The following STK32B variants were observed in gnomAD, a reference collection of about 807,000 sequenced individuals.
The protein encoded by STK32B is serine/threonine-protein kinase 32B.
STK32B carries 43 observed loss-of-function variants against 52.6 expected under a neutral mutation model. That is an observed-to-expected ratio of 0.82 (90% CI 0.64 to 1.05). The LOEUF (loss-of-function observed/expected upper bound fraction) is 1.05, where lower values mean the gene tolerates loss of function less well. Among genes scored for constraint, STK32B ranks in the 50% least tolerant of loss-of-function variants. STK32B has a pLI of 0.00. For synonymous variants in STK32B, 238 were observed against 204.3 expected, an observed-to-expected ratio of 1.17 and a Z score of -1.41; for missense variants, 621 against 534.6, an observed-to-expected ratio of 1.16 and a Z score of -1.59.
intron 8 of STK32B, among the ~76,000 whole-genome samples, chr4:5,458,149 C>G (rs982514726): frequency 1.3e-5 from 2 of 152,152 alleles, no homozygotes; most frequent in African/African-American, 4.8e-5. Flanking sequence ...CTGGGGTGGG[C>G]CCCACTGTCT....
At position 5,162,380 on chromosome 4, in the gene STK32B, C is replaced by T. The variant is rs112248878; in HGVS notation, c.109-5919C>T. ...TAGAGCTTTGGGTGTGCTGCAGAAT[C>T]GACATTGTCAGCGCCCGGAATATAC... is the stretch of plus-strand genomic sequence containing the variant. On this transcript the variant is annotated intron_variant, in intron 2 of 11. Coordinates refer to ENST00000282908, the MANE Select transcript of STK32B (RefSeq NM_018401.3). 9.7e-3 allele frequency among the ~76,000 whole-genome samples: 1,474 copies of T among 152,236 alleles called. 19 individuals carry two copies. The highest frequency in any genetic ancestry group is 0.031 in the Middle Eastern group (9 of 294).
Position 5,499,038 on chromosome 4 carries a change from C to G in STK32B, c.1200C>G (p.Asn400Lys). The change falls in exon 12 of 12, where the codon AAC becomes AAG. Residue 400 changes from asparagine to lysine, a missense_variant. Transcript: ENST00000282908. Reference protein sequence around the residue: ...QAQSKLQDGCNNNLLTHTCTR... With the variant: ...QAQSKLQDGCKNNLLTHTCTR... Reference sequence around the variant, plus strand: ...AAAGCAAGCTCCAGGACGGGTGCAACAACAACCTCCTCACCCACACCTGCA... The same window carrying G: ...AAAGCAAGCTCCAGGACGGGTGCAAGAACAACCTCCTCACCCACACCTGCA... 1 of 1,613,828 alleles carries G rather than the reference C, an allele frequency of 6.2e-7. No homozygotes were observed. Among genetic ancestry groups the G allele is most frequent in the Non-Finnish European group, 8.5e-7 (1 of 1,179,816 alleles).
intron 3 of STK32B, among the ~76,000 whole-genome samples, chr4:5,304,632 C>A (rs541412050): frequency 6.4e-4 from 97 of 152,128 alleles, no homozygotes; most frequent in Non-Finnish European, 9.6e-4. Context: ...CAGCAAACAG[C>A]AACAGTTTGA....
chr4:5,288,045 A>C (rs1264706021), intron 3 of STK32B, among the ~76,000 whole-genome samples: 1 of 152,156 alleles, frequency 6.6e-6, no homozygotes, highest in African/African-American at 2.4e-5. Flanking sequence ...CATTCATCAT[A>C]ATGTTTTCAA....
intron 3 of STK32B, among the ~76,000 whole-genome samples, chr4:5,185,216 C>G (rs1157060830): frequency 6.6e-6 from 1 of 152,194 alleles, no homozygotes; most frequent in Non-Finnish European, 1.5e-5. Flanking sequence ...CACTGTTAAT[C>G]TGTTTTGTTT....
rs149058986 is a variant in STK32B at position 5,083,539 on chromosome 4, G to T, written c.52+31624G>T. ...GACTTCATATAGCCCCTTACACAGA[G>T]ACTGGCAAATAGTACATGCTCAATA... is the stretch of plus-strand genomic sequence containing the variant. On this transcript the variant is annotated intron_variant, in intron 1 of 11. Coordinates refer to ENST00000282908, the MANE Select transcript of STK32B (RefSeq NM_018401.3). Among the ~76,000 whole-genome samples the T allele has an allele frequency of 2.4e-3, 361 of 152,276 alleles. 1 individual carries two copies. Among genetic ancestry groups the T allele is most frequent in the African/African-American group, 8.3e-3 (344 of 41,556 alleles).
chr4:5,179,179 G>A (rs1180136200), intron 3 of STK32B, among the ~76,000 whole-genome samples: 1 of 152,232 alleles, frequency 6.6e-6, no homozygotes, highest in African/African-American at 2.4e-5. Context: ...GCAGGATTGA[G>A]TGAGTGCCAG....
At chr4:5,339,304 A>G (rs76499324) in intron 4 of STK32B, among the ~76,000 whole-genome samples, 254 of 152,276 alleles carry the variant, frequency 1.7e-3, no homozygotes, top group Middle Eastern at 0.01. Context: ...ATGTATATCT[A>G]TATTCTATTT....
chr4:5,498,834 GA>G, intron 11 of STK32B, 110 bp from the exon 12 acceptor site: 1 of 1,406,812 alleles, frequency 7.1e-7, no homozygotes, highest in South Asian at 1.7e-5. Context: ...CCAGGTAGGG[GA>G]AGGTTTGAGC....
intron 2 of STK32B, among the ~76,000 whole-genome samples, chr4:5,147,742 C>T (rs978675899): frequency 3.3e-5 from 5 of 151,966 alleles, no homozygotes; most frequent in Admixed American, 1.3e-4. Context: ...TTTAAACCAA[C>T]TGTGTATTAC....
chr4:5,034,145 T>G, the STK32B span, among the ~76,000 whole-genome samples: 1 of 152,228 alleles, frequency 6.6e-6, no homozygotes, highest in Non-Finnish European at 1.5e-5. Context: ...CTAACTCCAT[T>G]TCACCTAGCT....
At chr4:5,066,062 C>T (rs1868047) in intron 1 of STK32B, among the ~76,000 whole-genome samples, 57,017 of 151,952 alleles carry the variant, frequency 0.38, 11,093 homozygotes, top group South Asian at 0.61. Flanking sequence ...CATTTCTCCT[C>T]GGATTTCCAA....
intron 6 of STK32B, among the ~76,000 whole-genome samples, chr4:5,438,994 G>A (rs1380453664): frequency 6.6e-6 from 1 of 151,566 alleles, no homozygotes; most frequent in East Asian, 1.9e-4. Context: ...TCTTAATCCA[G>A]TCTATCATTG....
At chr4:5,182,357 G>C (rs1577154192) in intron 3 of STK32B, among the ~76,000 whole-genome samples, 1 of 152,172 alleles carries the variant, frequency 6.6e-6, no homozygotes, top group East Asian at 1.9e-4. Flanking sequence ...ATGGCATCTA[G>C]AATGGCAAAT....
intron 4 of STK32B, among the ~76,000 whole-genome samples, chr4:5,335,006 A>C (rs1424362627): frequency 6.6e-6 from 1 of 152,106 alleles, no homozygotes; most frequent in Non-Finnish European, 1.5e-5. Flanking sequence ...TGAGTTAAGG[A>C]GGATTCCCTC....
intron 6 of STK32B, among the ~76,000 whole-genome samples, chr4:5,443,868 T>C (rs184272239): frequency 6.6e-6 from 1 of 152,286 alleles, no homozygotes; most frequent in Admixed American, 6.5e-5. Flanking sequence ...CCATGTGAGG[T>C]GTCAGTGTGC....
intron 3 of STK32B, among the ~76,000 whole-genome samples, chr4:5,232,943 G>A (rs1724375463): frequency 6.6e-6 from 1 of 152,162 alleles, no homozygotes; most frequent in South Asian, 2.1e-4. Flanking sequence ...GAAGATCACA[G>A]CAGCTTTCTC....
chr4:5,207,571 G>A (rs1356519349), intron 3 of STK32B, among the ~76,000 whole-genome samples: 1 of 151,988 alleles, frequency 6.6e-6, no homozygotes. Context: ...CTTCATAACA[G>A]TATGAAAATG....
In STK32B at chr4:5,058,538, C is replaced by A. The variant is rs934744720; in HGVS notation, c.52+6623C>A. On this transcript the variant is annotated intron_variant, in intron 1 of 11. Coordinates refer to ENST00000282908, the MANE Select transcript of STK32B (RefSeq NM_018401.3). The surrounding 1 kb of genome is among the most constrained non-coding windows in gnomAD (Gnocchi z 4.8). ...GCACTGAGACATGGCATGAGTGGGA[C>A]AGACTCTTTTCCCATCTTTTTTTGT... Among the ~76,000 whole-genome samples, 3 of 152,072 alleles carry A rather than the reference C, an allele frequency of 2.0e-5. No individual in the cohort carries two copies. Among genetic ancestry groups the A allele is most frequent in the African/African-American group, 7.2e-5 (3 of 41,406 alleles).
Sources: allele counts gnomAD v4.1 joint callset (sites outside exome capture counted in the v4.1 genomes callset), GRCh38; gene constraint gnomAD v4.1.1; non-coding constraint Gnocchi (gnomAD v3.1); transcripts MANE v1.5; gene names NCBI Gene and HGNC (gene_info 2026-07-23, HGNC 2026-07-21).